The following STX1A variants were observed in gnomAD, a reference collection of about 807,000 sequenced individuals.
STX1A encodes the protein syntaxin 1A.
A neutral mutation model predicts 37.8 loss-of-function variants in STX1A; 4 were observed. That is an observed-to-expected ratio of 0.11 (90% CI 0.05 to 0.24). The LOEUF is 0.24. Ranked by LOEUF, STX1A falls within the 10% of genes least tolerant of loss-of-function variation. The pLI is 1.00. For missense variants in STX1A, 251 were observed against 399.9 expected, an observed-to-expected ratio of 0.63 and a Z score of 3.18; for synonymous variants, 135 against 147.4, an observed-to-expected ratio of 0.92 and a Z score of 0.61.
At chr7:73,711,481 G>A (rs1167285005) in intron 1 of STX1A, 2 of 153,006 alleles carry the variant, frequency 1.3e-5, no homozygotes, top group Non-Finnish European at 2.9e-5. Context: ...CCCACCGAGT[G>A]CCTGGGGCTG....
At chr7:73,703,045 G>C (rs1186083760) in intron 7 of STX1A, 63 bp from the exon 8 acceptor site, 9 of 1,340,022 alleles carry the variant, frequency 6.7e-6, no homozygotes, top group Middle Eastern at 2.1e-4. Context: ...AGAGGGCCGA[G>C]GGGGAGGGCG....
rs1798830686 is a variant in STX1A at position 73,705,314 on chromosome 7, G to A, written c.209-90C>T. The A allele has an allele frequency of 3.7e-6, 4 of 1,069,882 alleles. No homozygotes were observed. The African/African-American group carries it at 6.2e-5, about 17-fold the overall frequency. The allele number at this position is 1,069,882 out of a possible 1,614,324, so 66.3% of individuals were successfully genotyped here. On this transcript the variant is annotated intron_variant, in intron 3 of 9. Coordinates refer to ENST00000222812, the MANE Select transcript of STX1A (RefSeq NM_004603.4). The surrounding 1 kb of genome is among the most constrained non-coding windows in gnomAD (Gnocchi z 5.2). ...GCCTCCAGCCCAGGGGGCCCAGTGG[G>A]AGGCTCTGGGAAGATCCCTGTTCTC...
In STX1A at chr7:73,708,495, T is replaced by C. The variant is rs929807171; in HGVS notation, c.208+94A>G. On this transcript the variant is annotated intron_variant, in intron 3 of 9. Transcript: ENST00000222812. Reference sequence around the variant, plus strand: ...CAGACACTCCTAAGCCCACCAGCCATGAAGGCTGCAGAGGTCCCGTGAGGC... The same window carrying C: ...CAGACACTCCTAAGCCCACCAGCCACGAAGGCTGCAGAGGTCCCGTGAGGC... 14 of 1,216,744 alleles carry C rather than the reference T, an allele frequency of 1.2e-5. No homozygotes were observed. The East Asian group carries it at 3.6e-4, about 31-fold the overall frequency. The allele number at this position is 1,216,744 out of a possible 1,614,324, so 75.4% of individuals were successfully genotyped here. A position where few individuals can be genotyped will look rare whatever the true frequency, so the allele number is the denominator to read the frequency against.
rs1294403447 is a variant in STX1A, at chr7:73,709,858, GA to G, written c.31-737del. ...AGGTGGCACGGATCAGATCTCTTAG[GA>G]ATCTCCTGTGAGTCTTTTTTTAAAA... is the stretch of plus-strand genomic sequence containing the variant. On this transcript the variant is annotated intron_variant, in intron 1 of 9. Coordinates refer to ENST00000222812, the MANE Select transcript of STX1A (RefSeq NM_004603.4). The surrounding 1 kb of genome is among the most constrained non-coding windows in gnomAD (Gnocchi z 4.2). Among the ~76,000 whole-genome samples the G allele has an allele frequency of 6.6e-6, 1 of 152,124 alleles. No homozygotes were observed. The highest frequency in any genetic ancestry group is 1.5e-5 in the Non-Finnish European group (1 of 68,030).
chr7:73,719,472 C>G, intron 1 of STX1A, 130 bp downstream of exon 1: 1 of 955,480 alleles, frequency 1.0e-6, no homozygotes, highest in Non-Finnish European at 1.3e-6. Flanking sequence ...TGGCTCGCCC[C>G]GCTCCCTTCA....
chr7:73,705,600 G>C lies in STX1A; in HGVS notation c.209-376C>G, dbSNP rs536300721. 3.8e-4 allele frequency: 102 copies of C among 271,466 alleles called. No homozygotes were observed. Among genetic ancestry groups the C allele is most frequent in the African/African-American group, 2.2e-3 (97 of 44,960 alleles). 16.8% of individuals were successfully genotyped at this position (271,466 alleles called of 1,614,324 possible). A position where few individuals can be genotyped will look rare whatever the true frequency, so the allele number is the denominator to read the frequency against. Reference sequence around the variant, plus strand: ...GCTGGAGTTGAAGGGGTGGGGGGGCGGTGTGGGCTCACCTGGTGTTACCTG... The same window carrying C: ...GCTGGAGTTGAAGGGGTGGGGGGGCCGTGTGGGCTCACCTGGTGTTACCTG... On this transcript the variant is annotated intron_variant, in intron 3 of 9. Coordinates refer to ENST00000222812, the MANE Select transcript of STX1A (RefSeq NM_004603.4). This position sits in a 1 kb window ranked among gnomAD's most constrained non-coding sequence, Gnocchi z 5.2.
At chr7:73,718,907 C>T (rs1314642669) in intron 1 of STX1A, among the ~76,000 whole-genome samples, 1 of 151,936 alleles carries the variant, frequency 6.6e-6, no homozygotes, top group Non-Finnish European at 1.5e-5. Flanking sequence ...GAAACGCCAG[C>T]CAGTGCTGCC....
chr7:73,705,241 G>A lies in STX1A; in HGVS notation c.209-17C>T, dbSNP rs558608009. The A allele has an allele frequency of 6.2e-7, 1 of 1,611,562 alleles. No individual in the cohort carries two copies. The highest frequency in any genetic ancestry group is 1.7e-5 in the Admixed American group (1 of 60,018). On this transcript the variant is annotated splice_polypyrimidine_tract_variant and intron_variant, in intron 3 of 9. Coordinates refer to ENST00000222812, the MANE Select transcript of STX1A (RefSeq NM_004603.4). The surrounding 1 kb of genome is among the most constrained non-coding windows in gnomAD (Gnocchi z 5.2). ...CCTTCGTCTCTGGGGAGGTAGAAAG[G>A]GTGGGGGTAGGCCTCCTAGGCTCCG... is the stretch of plus-strand genomic sequence containing the variant.
chr7:73,716,450 G>A (rs1799291839), intron 1 of STX1A: 1 of 152,372 alleles, frequency 6.6e-6, no homozygotes, highest in South Asian at 2.1e-4. Context: ...CCAGTGAGTT[G>A]GGCCCTAGTC....
chr7:73,715,108 GAA>G (rs1799243026), intron 1 of STX1A, among the ~76,000 whole-genome samples: 3 of 148,800 alleles, frequency 2.0e-5, no homozygotes, highest in Non-Finnish European at 3.0e-5. Flanking sequence ...CTGGATGACA[GAA>G]TGAGACTCCG....
In STX1A at chr7:73,705,043, A is replaced by G; in HGVS notation, c.283+107T>C. ...GCACATGACGCCACCCTCAGAAAGG[A>G]AAGCAAGATCCGGCGCACCCCCTCA... is the stretch of plus-strand genomic sequence containing the variant. On this transcript the variant is annotated intron_variant, in intron 4 of 9. Transcript: ENST00000222812. The surrounding 1 kb of genome is among the most constrained non-coding windows in gnomAD (Gnocchi z 5.2). The G allele has an allele frequency of 9.1e-7, 1 of 1,104,164 alleles. No homozygotes were observed. The highest frequency in any genetic ancestry group is 1.3e-5 in the South Asian group (1 of 78,196). The allele number at this position is 1,104,164 out of a possible 1,614,324, so 68.4% of individuals were successfully genotyped here.
intron 3 of STX1A, among the ~76,000 whole-genome samples, chr7:73,707,700 G>C (rs1013774522): frequency 3.9e-5 from 6 of 152,144 alleles, no homozygotes; most frequent in Non-Finnish European, 8.8e-5. Context: ...TTGGGAGGCC[G>C]AGGCGGGCGG....
intron 1 of STX1A, 57 bp downstream of exon 1, chr7:73,719,545 C>A: frequency 8.3e-7 from 1 of 1,198,922 alleles, no homozygotes; most frequent in Non-Finnish European, 1.0e-6. Flanking sequence ...GGGAAGTGTC[C>A]GGCGCGTTGG....
chr7:73,707,340 G>T (rs1420582740), intron 3 of STX1A, among the ~76,000 whole-genome samples: 27 of 152,196 alleles, frequency 1.8e-4, no homozygotes, highest in Admixed American at 1.8e-3. Context: ...AGGGAGAGGG[G>T]TGACTTCCTG....
chr7:73,718,901 C>A (rs1362548912), intron 1 of STX1A, among the ~76,000 whole-genome samples: 2 of 151,868 alleles, frequency 1.3e-5, no homozygotes, highest in Non-Finnish European at 2.9e-5. Flanking sequence ...GGTCTGGAAA[C>A]GCCAGCCAGT....
rs1554615647 is a variant in STX1A at position 73,700,386 on chromosome 7, G to A, written c.*21C>T. On this transcript the variant is annotated 3_prime_UTR_variant, in exon 10 of 10. Transcript: ENST00000222812. This position sits in a 1 kb window ranked among gnomAD's most constrained non-coding sequence, Gnocchi z 4.4. ...TCCTTGGAGTGGCCCACCTGGAGTG[G>A]AGTGGCAGTTTGGGTGGCTTCTAGG... The A allele has an allele frequency of 6.2e-7, 1 of 1,613,390 alleles. No individual in the cohort carries two copies. The highest frequency in any genetic ancestry group is 2.2e-5 in the East Asian group (1 of 44,850).
At position 73,704,152 on chromosome 7, in the gene STX1A, C is replaced by T; in HGVS notation, c.462G>A (p.Glu154=). Residue 154 remains glutamate, a synonymous_variant, in exon 6 of 10, where the codon GAG becomes GAA. Transcript: ENST00000222812. ...CAGGCCCCACCCCCAGCTCACTGATCTCCAGCTGCCTCTGGATGCGGCCTT... is the reference window on the plus strand; with the variant it reads ...CAGGCCCCACCCCCAGCTCACTGATTTCCAGCTGCCTCTGGATGCGGCCTT... ...RCKGRIQRQL[E]ITGRTTTSEE... is the part of the protein sequence containing the mutation. 1 of 1,444,818 alleles carries T rather than the reference C, an allele frequency of 6.9e-7. No individual in the cohort carries two copies. The highest frequency in any genetic ancestry group is 9.5e-7 in the Non-Finnish European group (1 of 1,048,446). The allele number at this position is 1,444,818 out of a possible 1,614,324, so 89.5% of individuals were successfully genotyped here. A position where few individuals can be genotyped will look rare whatever the true frequency, so the allele number is the denominator to read the frequency against.
At chr7:73,708,819 G>A (rs1481549166) in intron 2 of STX1A, 131 bp from the exon 3 acceptor site, 3 of 1,004,834 alleles carry the variant, frequency 3.0e-6, no homozygotes, top group Non-Finnish European at 4.5e-6. Context: ...GTGCTGGGGT[G>A]CAGTGGGGGT....
Position 73,700,527 on chromosome 7 carries a change from G to T in STX1A, c.790-43C>A. On this transcript the variant is annotated intron_variant, in intron 9 of 9. Transcript: ENST00000222812. The surrounding 1 kb of genome is among the most constrained non-coding windows in gnomAD (Gnocchi z 4.4). The stretch of plus-strand genomic sequence containing the variant: ...AGGAGAGGCCTCAGACAGTGTTGGC[G>T]GCAGGTGGGGTGGGACTATGGCAAA... 1 of 1,606,876 alleles carries T rather than the reference G, an allele frequency of 6.2e-7. No individual in the cohort carries two copies. Among genetic ancestry groups the T allele is most frequent in the South Asian group, 1.1e-5 (1 of 90,352 alleles).
Sources: allele counts gnomAD v4.1 joint callset (sites outside exome capture counted in the v4.1 genomes callset), GRCh38; gene constraint gnomAD v4.1.1; non-coding constraint Gnocchi (gnomAD v3.1); transcripts MANE v1.5; gene names NCBI Gene and HGNC (gene_info 2026-07-23, HGNC 2026-07-21).